EML1: variants seen among roughly 807,000 people sequenced by gnomAD.
EML1 encodes echinoderm microtubule-associated protein-like 1.
In EML1, 27 loss-of-function variants were observed where a neutral mutation model predicts 110.4. The observed-to-expected ratio is 0.24, with a 90% CI of 0.18 to 0.34. The LOEUF is 0.34. EML1 is among the 10% of genes least tolerant of loss of function. EML1 has a pLI of 1.00. For missense variants in EML1, 741 were observed against 1,030.9 expected, an observed-to-expected ratio of 0.72 and a Z score of 3.85; for synonymous variants, 344 against 385.8, an observed-to-expected ratio of 0.89 and a Z score of 1.27.
chr14:99,819,386 T>C (rs928968892), intron 1 of EML1, among the ~76,000 whole-genome samples: 10 of 152,160 alleles, frequency 6.6e-5, no homozygotes, highest in East Asian at 5.8e-4. Context: ...CCAATTACAG[T>C]TTATATTTCC....
intron 1 of EML1, among the ~76,000 whole-genome samples, chr14:99,794,948 A>G (rs1390598650): frequency 6.6e-6 from 1 of 152,198 alleles, no homozygotes; most frequent in East Asian, 1.9e-4. Context: ...AGGTTCCTTA[A>G]TTGACTTATA....
intron 1 of EML1, among the ~76,000 whole-genome samples, chr14:99,754,366 C>G (rs533532881): frequency 1.3e-5 from 2 of 152,182 alleles, no homozygotes; most frequent in African/African-American, 4.8e-5. Flanking sequence ...CCCCCTGCCT[C>G]CCCCCACGGT....
At chr14:99,932,848 G>A (rs1259460316) in intron 17 of EML1, among the ~76,000 whole-genome samples, 1 of 152,056 alleles carries the variant, frequency 6.6e-6, no homozygotes, top group Admixed American at 6.5e-5. Flanking sequence ...GCCGGGCACA[G>A]TGGCTCACAC....
At chr14:99,814,850 G>A (rs146806485) in intron 1 of EML1, among the ~76,000 whole-genome samples, 3 of 152,136 alleles carry the variant, frequency 2.0e-5, no homozygotes, top group Non-Finnish European at 2.9e-5. Context: ...CAGCGACCTC[G>A]TGCCAAGCAC....
chr14:99,825,668 A>G (rs2058340216), intron 1 of EML1, among the ~76,000 whole-genome samples: 1 of 152,078 alleles, frequency 6.6e-6, no homozygotes, highest in African/African-American at 2.4e-5. Flanking sequence ...AGGAACTGTT[A>G]TTGTCAGCAC....
intron 1 of EML1, among the ~76,000 whole-genome samples, chr14:99,750,439 G>T (rs542612760): frequency 6.6e-6 from 1 of 152,188 alleles, no homozygotes; most frequent in Non-Finnish European, 1.5e-5. Context: ...TCAGGGAGGG[G>T]AGCATGACTG....
intron 1 of EML1, among the ~76,000 whole-genome samples, chr14:99,745,848 C>T (rs191342827): frequency 5.9e-5 from 9 of 152,312 alleles, no homozygotes; most frequent in East Asian, 5.8e-4. Context: ...ACTCTGTGGA[C>T]GCTTACTGAG....
intron 1 of EML1, among the ~76,000 whole-genome samples, chr14:99,812,375 C>T (rs1254248375): frequency 1.3e-5 from 2 of 151,928 alleles, no homozygotes; most frequent in East Asian, 3.9e-4. Context: ...GGAAGTCAGC[C>T]AAATGAATAT....
chr14:99,908,846 C>T (rs1566931842), intron 10 of EML1, among the ~76,000 whole-genome samples: 1 of 152,180 alleles, frequency 6.6e-6, no homozygotes. Flanking sequence ...AACAATGGAC[C>T]TTTGTAAAAT....
intron 4 of EML1, among the ~76,000 whole-genome samples, chr14:99,884,167 G>A (rs1399399157): frequency 6.6e-6 from 1 of 152,216 alleles, no homozygotes; most frequent in Non-Finnish European, 1.5e-5. Flanking sequence ...CACAGTGGCA[G>A]CTGTGAGTGT....
intron 3 of EML1, chr14:99,874,813 C>T: frequency 1.2e-6 from 1 of 802,556 alleles, no homozygotes; most frequent in Non-Finnish European, 1.9e-6. Flanking sequence ...ACCAAAATGT[C>T]TTTCGATTTT....
In EML1 at chr14:99,917,823, G is replaced by A. The variant is rs34820758; in HGVS notation, c.1794G>A (p.Val598=). 7.0e-4 allele frequency: 1,132 copies of A among 1,614,122 alleles called. 3 individuals are homozygous for A. The African/African-American group carries it at 0.013, about 18-fold the overall frequency. ...CTGGTTTTCATCCTTCAGGGTCTGTGGTTGCAGTCGGAACACTCACTGGGA... is the reference window on the plus strand; with the variant it reads ...CTGGTTTTCATCCTTCAGGGTCTGTAGTTGCAGTCGGAACACTCACTGGGA... ...QSSGFHPSGS[V]VAVGTLTGRW... The change falls in exon 16 of 22, where the codon GTG becomes GTA. Residue 598 remains valine, a synonymous_variant. Coordinates refer to ENST00000262233, the MANE Select transcript of EML1 (RefSeq NM_004434.3).
At chr14:99,894,586 T>C in intron 5 of EML1, 43 bp from the exon 6 acceptor site, 1 of 1,585,942 alleles carries the variant, frequency 6.3e-7, no homozygotes, top group Non-Finnish European at 8.6e-7. Context: ...TCAGGTACGC[T>C]GGGCACTGAG....
At chr14:99,811,334 C>CACCTTTGAATAGAGGCTCAGAA (rs1555391988) in intron 1 of EML1, among the ~76,000 whole-genome samples, 16 of 148,176 alleles carry the variant, frequency 1.1e-4, no homozygotes, top group South Asian at 2.1e-4. Flanking sequence ...GTTCGAGCCA[C>CACCTTTGAATAGAGGCTCAGAA]TGTGCCTTGT....
At chr14:99,851,078 C>T (rs745906056) in intron 2 of EML1, 43 bp downstream of exon 2, 16 of 1,577,324 alleles carry the variant, frequency 1.0e-5, no homozygotes, top group South Asian at 5.7e-5. Flanking sequence ...GAATTGGTCT[C>T]GTGGCAGAAT....
chr14:99,778,928 T>C (rs964406895), intron 1 of EML1, among the ~76,000 whole-genome samples: 5 of 152,258 alleles, frequency 3.3e-5, no homozygotes, highest in African/African-American at 4.8e-5. Context: ...CCCAGTGTTC[T>C]AAAACATCTG....
At chr14:99,887,538 C>T (rs886254948) in intron 4 of EML1, among the ~76,000 whole-genome samples, 2 of 152,108 alleles carry the variant, frequency 1.3e-5, no homozygotes, top group Non-Finnish European at 1.5e-5. Context: ...CATTCTCCCC[C>T]GCACCCCGCC....
chr14:99,739,929 C>A (rs536697283), intron 1 of EML1, among the ~76,000 whole-genome samples: 1 of 152,146 alleles, frequency 6.6e-6, no homozygotes, highest in African/African-American at 2.4e-5. Flanking sequence ...TGACCTAGGG[C>A]AGACTATTCA....
chr14:99,913,148 G>C (rs997056088), intron 13 of EML1, among the ~76,000 whole-genome samples: 3 of 111,318 alleles, frequency 2.7e-5, no homozygotes, highest in Non-Finnish European at 5.3e-5. Context: ...ACCATTTTAA[G>C]TTGTATTATG....
Sources: gnomAD v4.1 joint callset for allele counts (sites outside exome capture counted in the v4.1 genomes callset) on GRCh38, gnomAD v4.1.1 for gene constraint, MANE v1.5 for transcripts, NCBI Gene and HGNC (gene_info 2026-07-23, HGNC 2026-07-21) for gene names.